NOL4L: variants seen among roughly 807,000 people sequenced by gnomAD.
NOL4L encodes nucleolar protein 4 like, also known as nucleolar protein 4-like.
In NOL4L, 7 loss-of-function variants were observed where a neutral mutation model predicts 64.5. The ratio of observed to expected loss-of-function variants is 0.11; its 90% CI spans 0.06 to 0.20. The LOEUF (loss-of-function observed/expected upper bound fraction) is 0.20, where lower values mean the gene tolerates loss of function less well. NOL4L is among the 10% of genes least tolerant of loss of function. The pLI, the probability that NOL4L is intolerant of heterozygous loss-of-function variation, is 1.00. For synonymous variants in NOL4L, 413 were observed against 401.0 expected (o/e 1.03, Z -0.36); for missense variants, 680 against 967.1 (o/e 0.70, Z 3.94).
rs1391786697 is a variant in NOL4L at position 32,460,153 on chromosome 20, T to A, written c.842-3758A>T. 6.6e-6 allele frequency among the ~76,000 whole-genome samples: 1 copy of A among 152,194 alleles called. No individual in the cohort carries two copies. Among genetic ancestry groups the A allele is most frequent in the Admixed American group, 6.5e-5 (1 of 15,276 alleles). ...GATGAACAAGCTGTGGAAATAACAG[T>A]GCTTCTGGAGTGTACACTTAAAAAT... On this transcript the variant is annotated intron_variant, in intron 5 of 10. Coordinates refer to ENST00000621426, the MANE Select transcript of NOL4L (RefSeq NM_001256798.2). The surrounding 1 kb of genome is among the most constrained non-coding windows in gnomAD (Gnocchi z 5.7).
chr20:32,454,001 G>A (rs2013211765), intron 6 of NOL4L: 1 of 544,198 alleles, frequency 1.8e-6, no homozygotes, highest in Non-Finnish European at 3.3e-6. Flanking sequence ...GACTGCAATA[G>A]TGTATGCAGA....
At chr20:32,501,160 A>T (rs1464101309) in intron 4 of NOL4L, among the ~76,000 whole-genome samples, 1 of 152,248 alleles carries the variant, frequency 6.6e-6, no homozygotes, top group East Asian at 1.9e-4. Context: ...GCCAATGGCA[A>T]CAGTCCTAAA....
chr20:32,544,840 A>C (rs1008640476), intron 1 of NOL4L, among the ~76,000 whole-genome samples: 13 of 152,222 alleles, frequency 8.5e-5, no homozygotes, highest in African/African-American at 3.1e-4. Context: ...AATCCATCAC[A>C]AATAGCTTTT....
chr20:32,453,310 C>T lies in NOL4L; in HGVS notation c.1491G>A (p.Met497Ile), dbSNP rs1346874572. ...CCAGGCAGGGGGGACTCACCATCTCCATGCCGTTCTTCTTCATGCGACGGC... is the reference window on the plus strand; with the variant it reads ...CCAGGCAGGGGGGACTCACCATCTCTATGCCGTTCTTCTTCATGCGACGGC... The part of the protein sequence containing the change: ...KSCRRMKKNG[M>I]EMTRPTPPHL... The change falls in exon 8 of 11, where the codon ATG becomes ATA. Residue 497 changes from methionine (M) to isoleucine (I), a missense_variant. By Grantham distance (10) the Met-to-Ile change is conservative. This residue lies in a region of NOL4L where 70 missense variants were observed against 166.1 expected (regional missense o/e 0.42). Transcript: ENST00000621426. This position sits in a 1 kb window ranked among gnomAD's most constrained non-coding sequence, Gnocchi z 5.6. The T allele has an allele frequency of 6.2e-7, 1 of 1,613,418 alleles. No individual in the cohort carries two copies.
Position 32,520,815 on chromosome 20 carries a change from G to A in NOL4L, c.585C>T (p.Pro195=). The A allele has an allele frequency of 6.5e-7, 1 of 1,544,770 alleles. No individual in the cohort carries two copies. The highest frequency in any genetic ancestry group is 1.4e-5 in the African/African-American group (1 of 73,010). Reference sequence around the variant, plus strand: ...CCAGCACGCCACCCCTGCTACCTTTGGGTTCCAGGCCATTGGAGTTAAAGT... The same window carrying A: ...CCAGCACGCCACCCCTGCTACCTTTAGGTTCCAGGCCATTGGAGTTAAAGT... ...RMHFNSNGLE[P]KENEPPSPLV... Residue 195 remains proline, a synonymous_variant, in exon 3 of 11, where the codon CCC becomes CCT. Coordinates refer to ENST00000621426, the MANE Select transcript of NOL4L (RefSeq NM_001256798.2).
At position 32,453,779 on chromosome 20, in the gene NOL4L, G is replaced by C. The variant is rs1291382176; in HGVS notation, c.1120-18C>G. 1 of 1,550,958 alleles carries C rather than the reference G, an allele frequency of 6.4e-7. No homozygotes were observed. Among genetic ancestry groups the C allele is most frequent in the South Asian group, 1.2e-5 (1 of 84,064 alleles). The stretch of plus-strand genomic sequence containing the variant: ...GGGGGGGACTAAAAGGAGGGCAAGA[G>C]GCAGAGGGTTGGGCCAAGCAGCTGC... On this transcript the variant is annotated intron_variant, in intron 6 of 10. Coordinates refer to ENST00000621426, the MANE Select transcript of NOL4L (RefSeq NM_001256798.2). This position sits in a 1 kb window ranked among gnomAD's most constrained non-coding sequence, Gnocchi z 5.6.
chr20:32,453,863 G>T lies in NOL4L; in HGVS notation c.1120-102C>A. On this transcript the variant is annotated intron_variant, in intron 6 of 10. Coordinates refer to ENST00000621426, the MANE Select transcript of NOL4L (RefSeq NM_001256798.2). This position sits in a 1 kb window ranked among gnomAD's most constrained non-coding sequence, Gnocchi z 5.6. ...GCTTGGGGACCAGGGTGGCACGCAT[G>T]CCCTGCTGCCACGAGAGCCATAGCT... The T allele has an allele frequency of 9.3e-7, 1 of 1,072,612 alleles. No individual in the cohort carries two copies. Among genetic ancestry groups the T allele is most frequent in the Non-Finnish European group, 1.3e-6 (1 of 741,726 alleles). 66.4% of individuals were successfully genotyped at this position (1,072,612 alleles called of 1,614,324 possible). A position where few individuals can be genotyped will look rare whatever the true frequency, so the allele number is the denominator to read the frequency against.
At position 32,488,831 on chromosome 20, in the gene NOL4L, CTTTCTTTCTT is replaced by C. The variant is rs1568648879; in HGVS notation, c.700-14099_700-14090del. Among the ~76,000 whole-genome samples, 8 of 34,832 alleles carry C rather than the reference CTTTCTTTCTT, an allele frequency of 2.3e-4. No individual in the cohort carries two copies. The South Asian group carries it at 2.4e-3, about 10-fold the overall frequency. The allele number at this position is 34,832 out of a possible 152,430, so 22.9% of individuals were successfully genotyped here. ...TTTCTTTCTTTCTTTCTTTCTTTTT[CTTTCTTTCTT>C]TCTTTCTTTCTTTCTTTCTTTCTTT... On this transcript the variant is annotated intron_variant, in intron 4 of 10. Transcript: ENST00000621426.
chr20:32,502,025 T>C (rs2016941832), intron 4 of NOL4L, among the ~76,000 whole-genome samples: 2 of 152,322 alleles, frequency 1.3e-5, no homozygotes, highest in South Asian at 2.1e-4. Flanking sequence ...GGTATAGATA[T>C]GTTGCAGGAT....
rs182140893 is a variant in NOL4L, at chr20:32,560,242, G to C, written c.321+24328C>G. Among the ~76,000 whole-genome samples, 22 of 152,312 alleles carry C rather than the reference G, an allele frequency of 1.4e-4. 1 individual carries two copies. In the East Asian group the frequency reaches 4.3e-3, roughly 29 times the overall value. On this transcript the variant is annotated intron_variant, in intron 1 of 10. Coordinates refer to ENST00000621426, the MANE Select transcript of NOL4L (RefSeq NM_001256798.2). ...ATGACCATTCTGAGTACTGAGTGTGGCCAGGGTGGGGCCCTGGCACACGTG... is the reference window on the plus strand; with the variant it reads ...ATGACCATTCTGAGTACTGAGTGTGCCCAGGGTGGGGCCCTGGCACACGTG...
At chr20:32,511,795 A>G (rs570877132) in intron 3 of NOL4L, among the ~76,000 whole-genome samples, 1 of 152,168 alleles carries the variant, frequency 6.6e-6, no homozygotes, top group Non-Finnish European at 1.5e-5. Flanking sequence ...CACAGGCCCC[A>G]GGAGTTCGAG....
At chr20:32,582,546 G>A (rs929187959) in intron 1 of NOL4L, among the ~76,000 whole-genome samples, 1 of 152,120 alleles carries the variant, frequency 6.6e-6, no homozygotes, top group African/African-American at 2.4e-5. Flanking sequence ...GGGAGAAGTC[G>A]AGCCACACAG....
rs566756988 is a variant in NOL4L, at chr20:32,447,996, C to T, written c.1823-180G>A. On this transcript the variant is annotated intron_variant, in intron 10 of 10. Coordinates refer to ENST00000621426, the MANE Select transcript of NOL4L (RefSeq NM_001256798.2). ...ATCCCTAGTGCTTAGAATGGGCCTG[C>T]GGGCGACAGGGTTCTCAGAGAATCC... is the stretch of plus-strand genomic sequence containing the variant. 7.9e-5 allele frequency among the ~76,000 whole-genome samples: 12 copies of T among 152,274 alleles called. No individual in the cohort carries two copies. In the South Asian group the frequency reaches 1.9e-3, roughly 24 times the overall value.
At chr20:32,557,901 C>CA (rs1361979324) in intron 1 of NOL4L, among the ~76,000 whole-genome samples, 1 of 151,962 alleles carries the variant, frequency 6.6e-6, no homozygotes, top group Non-Finnish European at 1.5e-5. Flanking sequence ...CTTGTTTCTA[C>CA]AAAAAATATA....
intron 1 of NOL4L, among the ~76,000 whole-genome samples, chr20:32,552,358 G>A (rs1268191775): frequency 1.3e-5 from 2 of 152,096 alleles, no homozygotes; most frequent in Non-Finnish European, 2.9e-5. Context: ...CTTTTTAACA[G>A]TCTACGGGTA....
chr20:32,547,317 A>G (rs1435122285), intron 1 of NOL4L, among the ~76,000 whole-genome samples: 27 of 152,064 alleles, frequency 1.8e-4, no homozygotes, highest in Non-Finnish European at 1.5e-5. Context: ...TTGAGAGAGG[A>G]TCCCATTCTG....
chr20:32,553,396 A>G (rs1978433138), intron 1 of NOL4L, among the ~76,000 whole-genome samples: 1 of 152,060 alleles, frequency 6.6e-6, no homozygotes, highest in African/African-American at 2.4e-5. Context: ...TTCCTGCCGC[A>G]GGGCCTTTGC....
chr20:32,584,950 G>A lies in NOL4L; in HGVS notation c.-60C>T, dbSNP rs1247742330. 4.0e-6 allele frequency: 4 copies of A among 988,764 alleles called. No individual in the cohort carries two copies. The highest frequency in any genetic ancestry group is 4.9e-6 in the Non-Finnish European group (4 of 815,472). 61.2% of individuals were successfully genotyped at this position (988,764 alleles called of 1,614,324 possible). A position where few individuals can be genotyped will look rare whatever the true frequency, so the allele number is the denominator to read the frequency against. ...CGGCCGCCGGGCCGCCCGGTGCCGG[G>A]ACTGGGCTGGGCTGGGCTGGACCGG... On this transcript the variant is annotated 5_prime_UTR_variant, in exon 1 of 11. Coordinates refer to ENST00000621426, the MANE Select transcript of NOL4L (RefSeq NM_001256798.2).
chr20:32,552,236 G>A (rs993978514), intron 1 of NOL4L, among the ~76,000 whole-genome samples: 1 of 152,132 alleles, frequency 6.6e-6, no homozygotes, highest in Non-Finnish European at 1.5e-5. Flanking sequence ...ATATGCATAT[G>A]TGCATATATA....
Sources: gnomAD v4.1 joint callset for allele counts (sites outside exome capture counted in the v4.1 genomes callset) on GRCh38, gnomAD v4.1.1 for gene constraint, gnomAD v4.1.1 regional missense constraint, Gnocchi (gnomAD v3.1) non-coding constraint, MANE v1.5 for transcripts, NCBI Gene and HGNC (gene_info 2026-07-23, HGNC 2026-07-21) for gene names.